Variants in CWH43 observed in about 807,000 individuals in gnomAD.
The protein encoded by CWH43 is cell wall biogenesis 43 C-terminal homolog.
CWH43 carries 91 observed loss-of-function variants against 85.7 expected under a neutral mutation model. The ratio of observed to expected loss-of-function variants is 1.06; its 90% CI spans 0.90 to 1.26. CWH43 has a LOEUF of 1.26. Among genes scored for constraint, CWH43 ranks in the 50% most tolerant of loss-of-function variants. The probability of loss-of-function intolerance (pLI) is 0.00; values close to 1 mark genes in which losing one functional copy is unlikely to be tolerated. For missense variants in CWH43, 869 were observed against 839.2 expected (o/e 1.04, Z -0.44); for synonymous variants, 323 against 293.6 (o/e 1.10, Z -1.02).
rs550150562 is a variant in CWH43 at position 49,043,858 on chromosome 4, A to G, written c.1804-928A>G. ...TTAAATTTAATTTAAAACATTTATT[A>G]TAATTTTTATGTATACAAAAGGTAT... On this transcript the variant is annotated intron_variant, in intron 13 of 15. Coordinates refer to ENST00000226432, the MANE Select transcript of CWH43 (RefSeq NM_025087.3). Among the ~76,000 whole-genome samples the G allele has an allele frequency of 9.9e-5, 15 of 152,104 alleles. No individual in the cohort carries two copies. In the South Asian group the frequency reaches 2.3e-3, roughly 23 times the overall value.
At chr4:49,015,535 C>T (rs1783518694) in intron 8 of CWH43, among the ~76,000 whole-genome samples, 1 of 152,116 alleles carries the variant, frequency 6.6e-6, no homozygotes, top group Non-Finnish European at 1.5e-5. Flanking sequence ...ATTTTTTCCT[C>T]CATCTTGCTT....
chr4:49,028,643 G>A lies in CWH43; in HGVS notation c.1281G>A (p.Glu427=), dbSNP rs1490797908. The stretch of plus-strand genomic sequence containing the variant: ...CAATTCCTCAGGCACCAACCAAAGA[G>A]GTCTCTGCTGCCATCTGGCCTTTCA... ...RKLGKVAPTK[E]VSAAIWPFRF... The change falls in exon 10 of 16, where the codon GAG becomes GAA. Residue 427 remains glutamate, a synonymous_variant. Transcript: ENST00000226432. 2 of 1,613,060 alleles carry A rather than the reference G, an allele frequency of 1.2e-6. No homozygotes were observed. Among genetic ancestry groups the A allele is most frequent in the African/African-American group, 1.3e-5 (1 of 74,868 alleles).
chr4:49,016,453 C>T (rs992670781), intron 8 of CWH43, among the ~76,000 whole-genome samples: 2 of 152,084 alleles, frequency 1.3e-5, no homozygotes, highest in African/African-American at 4.8e-5. Context: ...CTAGGGGACC[C>T]AGGAGCAAAT....
At chr4:49,036,281 C>T (rs1438773282) in intron 12 of CWH43, among the ~76,000 whole-genome samples, 2 of 152,142 alleles carry the variant, frequency 1.3e-5, no homozygotes, top group Non-Finnish European at 2.9e-5. Context: ...CAGGGGTCAG[C>T]CTCTCAGGGC....
chr4:49,024,166 C>T (rs1783833195), intron 9 of CWH43, among the ~76,000 whole-genome samples: 1 of 152,148 alleles, frequency 6.6e-6, no homozygotes, highest in Non-Finnish European at 1.5e-5. Context: ...ATAGCAACTC[C>T]TGCTCACTTT....
chr4:49,054,946 C>G (rs1388427700), intron 15 of CWH43, among the ~76,000 whole-genome samples: 1 of 151,926 alleles, frequency 6.6e-6, no homozygotes, highest in East Asian at 1.9e-4. Context: ...ATCATGTCAC[C>G]TGCAAATAGG....
At chr4:49,029,437 T>A (rs1296638195) in intron 10 of CWH43, among the ~76,000 whole-genome samples, 2 of 152,192 alleles carry the variant, frequency 1.3e-5, no homozygotes, top group Admixed American at 6.5e-5. Flanking sequence ...TTGGGTATTG[T>A]CCAAGGTTTC....
At chr4:49,050,446 A>G (rs1784757321) in intron 14 of CWH43, among the ~76,000 whole-genome samples, 1 of 152,226 alleles carries the variant, frequency 6.6e-6, no homozygotes, top group Non-Finnish European at 1.5e-5. Context: ...TAGTATAAAA[A>G]AAGTAAAGTA....
At chr4:49,026,571 A>T (rs1358351731) in intron 9 of CWH43, among the ~76,000 whole-genome samples, 1 of 146,062 alleles carries the variant, frequency 6.8e-6, no homozygotes, top group African/African-American at 2.6e-5. Context: ...CCCAAAGTTC[A>T]TTGTATAACT....
chr4:49,040,978 C>T (rs535329029), intron 13 of CWH43, among the ~76,000 whole-genome samples: 9 of 152,300 alleles, frequency 5.9e-5, no homozygotes, highest in African/African-American at 1.7e-4. Flanking sequence ...CCAGTTTTCC[C>T]AGCACCATTT....
At chr4:48,991,368 T>A in intron 2 of CWH43, 86 bp from the exon 3 acceptor site, 2 of 1,414,350 alleles carry the variant, frequency 1.4e-6, no homozygotes, top group Non-Finnish European at 2.0e-6. Flanking sequence ...ATAAAGATGG[T>A]ATCAGATAAC....
intron 14 of CWH43, among the ~76,000 whole-genome samples, chr4:49,047,035 C>A (rs1784646740): frequency 6.6e-6 from 1 of 152,312 alleles, no homozygotes; most frequent in South Asian, 2.1e-4. Flanking sequence ...TAGAGCAGTT[C>A]ATCACCAAAA....
intron 13 of CWH43, among the ~76,000 whole-genome samples, chr4:49,042,094 G>T (rs1295645439): frequency 6.6e-6 from 1 of 152,138 alleles, no homozygotes; most frequent in East Asian, 1.9e-4. Context: ...CATGAATCTG[G>T]ACTTCAGACA....
intron 13 of CWH43, among the ~76,000 whole-genome samples, chr4:49,042,844 G>A (rs773728429): frequency 6.6e-6 from 1 of 152,194 alleles, no homozygotes; most frequent in Non-Finnish European, 1.5e-5. Flanking sequence ...TTATCACTGT[G>A]TAACAAACCA....
intron 14 of CWH43, among the ~76,000 whole-genome samples, chr4:49,045,050 T>G (rs541019820): frequency 6.6e-6 from 1 of 152,276 alleles, no homozygotes; most frequent in South Asian, 2.1e-4. Context: ...AAAGTAGAAA[T>G]AGCTAAGCAA....
At chr4:49,009,768 T>A (rs1783292734) in intron 8 of CWH43, among the ~76,000 whole-genome samples, 1 of 152,198 alleles carries the variant, frequency 6.6e-6, no homozygotes, top group Non-Finnish European at 1.5e-5. Context: ...GTTTATGTGA[T>A]GGATTATGTT....
rs11410065 is a variant in CWH43, at chr4:48,992,121, G to C, written c.511+31G>C. ...ACTGTAACTTAGGAATTTTCTCTTT[G>C]CAGAGCTTACCTTTCCTATGTGAAT... On this transcript the variant is annotated intron_variant, in intron 4 of 15. Transcript: ENST00000226432. This position sits in a 1 kb window ranked among gnomAD's most constrained non-coding sequence, Gnocchi z 4.3. The C allele has an allele frequency of 6.3e-7, 1 of 1,587,878 alleles. No homozygotes were observed. The highest frequency in any genetic ancestry group is 8.6e-7 in the Non-Finnish European group (1 of 1,160,968).
At chr4:49,003,641 C>A (rs975082209) in intron 6 of CWH43, 94 bp from the exon 7 acceptor site, 2 of 1,217,630 alleles carry the variant, frequency 1.6e-6, no homozygotes, top group Admixed American at 2.0e-5. Flanking sequence ...GATCAGTATA[C>A]CCCTAAGGTC....
chr4:49,055,728 T>A (rs570614069), intron 15 of CWH43, among the ~76,000 whole-genome samples: 83 of 152,144 alleles, frequency 5.5e-4, no homozygotes, highest in African/African-American at 1.7e-3. Context: ...TAGCTGCGAT[T>A]ATAGGCGCCT....
Sources: allele counts gnomAD v4.1 joint callset (sites outside exome capture counted in the v4.1 genomes callset), GRCh38; gene constraint gnomAD v4.1.1; non-coding constraint Gnocchi (gnomAD v3.1); transcripts MANE v1.5; gene names NCBI Gene and HGNC (gene_info 2026-07-23, HGNC 2026-07-21).